Variants in SLC38A10 observed in about 807,000 individuals in gnomAD.
SLC38A10 encodes Sodium-coupled neutral amino acid transporter 10.
In SLC38A10, 53 loss-of-function variants were observed where a neutral mutation model predicts 81.0. The ratio of observed to expected loss-of-function variants is 0.65; its 90% CI spans 0.53 to 0.82. The LOEUF (loss-of-function observed/expected upper bound fraction) is 0.82. Among genes scored for constraint, SLC38A10 ranks in the 40% least tolerant of loss-of-function variants. SLC38A10 has a pLI of 0.00. For missense variants in SLC38A10, 1,471 were observed against 1,545.0 expected, an observed-to-expected ratio of 0.95 and a Z score of 0.80; for synonymous variants, 665 against 655.3, an observed-to-expected ratio of 1.01 and a Z score of -0.23.
Position 81,294,805 on chromosome 17 carries a change from C to T in SLC38A10, c.99+18G>A, listed in dbSNP as rs2063335578. The T allele has an allele frequency of 5.7e-6, 9 of 1,566,762 alleles. No individual in the cohort carries two copies. The highest frequency in any genetic ancestry group is 3.4e-4 in the Middle Eastern group (2 of 5,968). Reference sequence around the variant, plus strand: ...CGGGGGAGGCGAGGGCGGTGATCTCCGGGCCCACCGGACTCACCTGTTTGA... The same window carrying T: ...CGGGGGAGGCGAGGGCGGTGATCTCTGGGCCCACCGGACTCACCTGTTTGA... On this transcript the variant is annotated intron_variant, in intron 1 of 15. Coordinates refer to ENST00000374759, the MANE Select transcript of SLC38A10 (RefSeq NM_001037984.3).
intron 10 of SLC38A10, chr17:81,264,138 G>A (rs1489336828): frequency 6.6e-6 from 1 of 152,312 alleles, no homozygotes; most frequent in Non-Finnish European, 1.5e-5. Context: ...TCGGAATCCC[G>A]AATAAGGGCG....
In SLC38A10 at chr17:81,245,758, C is replaced by G. The variant is rs574687195; in HGVS notation, c.3158G>C (p.Arg1053Pro). Residue 1053 changes from arginine to proline, a missense_variant, in exon 16 of 16, where the codon CGG (arginine) becomes CCG (proline). By Grantham distance (103) the Arg-to-Pro change is moderately radical. This residue lies in a region of SLC38A10 where 751 missense variants were observed against 717.4 expected (regional missense o/e 1.05). Transcript: ENST00000374759. ...CTCTGCATGAGGGCCAAGGTCCCGC[C>G]GTCGCCTCCGGAGGTCGGAGCCAGC... ...LQAGSDLRRR[R>P]RDLGPHAEGQ... The G allele has an allele frequency of 2.5e-6, 4 of 1,595,700 alleles. No homozygotes were observed. In the Admixed American group the frequency reaches 6.7e-5, roughly 27 times the overall value.
In SLC38A10 at chr17:81,277,064, G is replaced by A; in HGVS notation, c.696C>T (p.Ser232=). ...AGAAGGTGGTGACCACATTAAGGGA[G>A]GAAGCAAATATGGAGCTCATGGTTT... ...SVKTMSSIFA[S]SLNVVTTFYV... Residue 232 remains serine, a synonymous_variant, in exon 7 of 16, where the codon TCC becomes TCT. Coordinates refer to ENST00000374759, the MANE Select transcript of SLC38A10 (RefSeq NM_001037984.3). The surrounding 1 kb of genome is among the most constrained non-coding windows in gnomAD (Gnocchi z 4.5). 4.3e-6 allele frequency: 7 copies of A among 1,614,068 alleles called. No homozygotes were observed. The highest frequency in any genetic ancestry group is 5.1e-6 in the Non-Finnish European group (6 of 1,179,952).
At position 81,260,371 on chromosome 17, in the gene SLC38A10, G is replaced by A. The variant is rs368880528; in HGVS notation, c.1155C>T (p.Gly385=). The part of the protein sequence containing the change: ...SSQVVLWVGL[G]VLVVSTVTTL... ...TGGTGACAGTGCTCACCACCAGGAC[G>A]CCCAGGCCGACCCACAGCACCACCT... The change falls in exon 11 of 16, where the codon GGC becomes GGT. Residue 385 remains glycine (G), a synonymous_variant. Coordinates refer to ENST00000374759, the MANE Select transcript of SLC38A10 (RefSeq NM_001037984.3). 16 of 1,611,236 alleles carry A rather than the reference G, an allele frequency of 9.9e-6. No homozygotes were observed. Among genetic ancestry groups the A allele is most frequent in the East Asian group, 6.7e-5 (3 of 44,850 alleles).
At chr17:81,260,922 G>A (rs1598387975) in intron 10 of SLC38A10, among the ~76,000 whole-genome samples, 1 of 152,260 alleles carries the variant, frequency 6.6e-6, no homozygotes, top group African/African-American at 2.4e-5. Context: ...TGCACAACCC[G>A]CAAGGCTGGC....
chr17:81,291,428 A>T (rs1281152292), intron 1 of SLC38A10, among the ~76,000 whole-genome samples: 2 of 151,344 alleles, frequency 1.3e-5, no homozygotes. Context: ...TGGAGGTTGC[A>T]GTGAGCTGAG....
chr17:81,264,121 A>G (rs66977279), intron 10 of SLC38A10: 14,889 of 152,428 alleles, frequency 0.098, 742 homozygotes, highest in East Asian at 0.13. Flanking sequence ...AACGGTCAGT[A>G]GTTCCCTCGG....
intron 1 of SLC38A10, 44 bp downstream of exon 1, chr17:81,294,779 G>T: frequency 1.3e-6 from 2 of 1,515,092 alleles, no homozygotes; most frequent in South Asian, 1.2e-5. Flanking sequence ...CGCCCCCTCT[G>T]CGGGGGAGGC....
At chr17:81,247,561 C>T (rs1370392403) in intron 14 of SLC38A10, 1 of 152,302 alleles carries the variant, frequency 6.6e-6, no homozygotes, top group Non-Finnish European at 1.5e-5. Context: ...CACGGCGGCT[C>T]ACGCCTGTAA....
chr17:81,248,931 A>G (rs2062878340), intron 14 of SLC38A10, among the ~76,000 whole-genome samples: 1 of 152,240 alleles, frequency 6.6e-6, no homozygotes, highest in South Asian at 2.1e-4. Flanking sequence ...CGGGCAGAGC[A>G]GGTCTCCCGC....
Position 81,245,620 on chromosome 17 carries a change from C to A in SLC38A10, c.3296G>T (p.Gly1099Val), listed in dbSNP as rs747066298. 114 of 1,611,878 alleles carry A rather than the reference C, an allele frequency of 7.1e-5. No homozygotes were observed. Among genetic ancestry groups the A allele is most frequent in the Non-Finnish European group, 9.0e-5 (106 of 1,179,660 alleles). ...CCGGCTGTGGACCACCTGCAGAGCT[C>A]CCCCCGCAGCCTGGCGGAGCTGGGC... is the stretch of plus-strand genomic sequence containing the variant. ...LDAQLRQAAG[G>V]ALQVVHSRQL... The change falls in exon 16 of 16, where the codon GGA (glycine) becomes GTA (valine). Residue 1099 changes from glycine to valine, a missense_variant. By Grantham distance (109) the Gly-to-Val change is moderately radical. Around this residue, in one of 2 missense-constraint regions of SLC38A10, gnomAD observed 751 missense variants for 717.4 expected, o/e 1.05. Coordinates refer to ENST00000374759, the MANE Select transcript of SLC38A10 (RefSeq NM_001037984.3).
intron 1 of SLC38A10, among the ~76,000 whole-genome samples, chr17:81,290,528 T>C (rs896315658): frequency 1.3e-5 from 2 of 152,212 alleles, no homozygotes; most frequent in African/African-American, 2.4e-5. Flanking sequence ...AACAGTGTCA[T>C]TCTGTTTACA....
chr17:81,282,736 CG>C lies in SLC38A10; in HGVS notation c.358-405del, dbSNP rs370561653. Among the ~76,000 whole-genome samples, 12 of 152,324 alleles carry C rather than the reference CG, an allele frequency of 7.9e-5. No homozygotes were observed. The East Asian group carries it at 1.5e-3, about 20-fold the overall frequency. On this transcript the variant is annotated intron_variant, in intron 4 of 15. Coordinates refer to ENST00000374759, the MANE Select transcript of SLC38A10 (RefSeq NM_001037984.3). ...AAAGGCCACTACGAAGCACGGAAAA[CG>C]GAAGGTCGAATGGGGAGACAGAGTA...
intron 11 of SLC38A10, among the ~76,000 whole-genome samples, chr17:81,258,996 T>A (rs115471970): frequency 6.6e-6 from 1 of 152,194 alleles, no homozygotes. Context: ...GCACAGCGGA[T>A]CCAGGAAGAC....
intron 11 of SLC38A10, among the ~76,000 whole-genome samples, chr17:81,255,944 T>G (rs905850753): frequency 2.0e-5 from 3 of 152,178 alleles, no homozygotes; most frequent in Non-Finnish European, 4.4e-5. Flanking sequence ...ATCGTGCCAC[T>G]GCACTCCAGC....
At chr17:81,248,327 C>T (rs542444925) in intron 14 of SLC38A10, among the ~76,000 whole-genome samples, 1 of 152,306 alleles carries the variant, frequency 6.6e-6, no homozygotes, top group African/African-American at 2.4e-5. Flanking sequence ...TCCTAACCAC[C>T]GCTCCTGAAC....
chr17:81,284,485 A>AT (rs141589027), intron 3 of SLC38A10, among the ~76,000 whole-genome samples: 2,346 of 152,316 alleles, frequency 0.015, 22 homozygotes, highest in African/African-American at 0.027. Flanking sequence ...TCTCCCAGCG[A>AT]TTTTTTCATC....
chr17:81,270,793 T>C lies in SLC38A10; in HGVS notation c.1131+125A>G. On this transcript the variant is annotated intron_variant, in intron 10 of 15. Transcript: ENST00000374759. The surrounding 1 kb of genome is among the most constrained non-coding windows in gnomAD (Gnocchi z 4.0). Reference sequence around the variant, plus strand: ...GGCTGACTGGACCAAGTCCCTTTTGTGGGTTTTAAGTTTCTTGATAGAACC... The same window carrying C: ...GGCTGACTGGACCAAGTCCCTTTTGCGGGTTTTAAGTTTCTTGATAGAACC... 1 of 744,298 alleles carries C rather than the reference T, an allele frequency of 1.3e-6. No individual in the cohort carries two copies. The allele number at this position is 744,298 out of a possible 1,614,324, so 46.1% of individuals were successfully genotyped here. A position where few individuals can be genotyped will look rare whatever the true frequency, so the allele number is the denominator to read the frequency against.
chr17:81,246,798 G>A, intron 15 of SLC38A10, 87 bp downstream of exon 15: 1 of 1,509,904 alleles, frequency 6.6e-7, no homozygotes, highest in South Asian at 1.3e-5. Flanking sequence ...AGGTCTAGAG[G>A]CCACCGAGCC....
Sources: gnomAD v4.1 joint callset for allele counts (sites outside exome capture counted in the v4.1 genomes callset) on GRCh38, gnomAD v4.1.1 for gene constraint, gnomAD v4.1.1 regional missense constraint, Gnocchi (gnomAD v3.1) non-coding constraint, MANE v1.5 for transcripts, NCBI Gene and HGNC (gene_info 2026-07-23, HGNC 2026-07-21) for gene names.